The following PACS1 variants were observed in gnomAD, a reference collection of about 807,000 sequenced individuals.
PACS1 encodes phosphofurin acidic cluster sorting protein 1.
Under a neutral mutation model 115.0 loss-of-function variants are expected in PACS1, and 24 were observed. That is an observed-to-expected ratio of 0.21 (90% CI 0.15 to 0.29). The LOEUF (loss-of-function observed/expected upper bound fraction) is 0.29. Among genes scored for constraint, PACS1 ranks in the 10% least tolerant of loss-of-function variants. The pLI is 1.00. For missense variants in PACS1, 838 were observed against 1,251.2 expected, an observed-to-expected ratio of 0.67 and a Z score of 4.98; for synonymous variants, 453 against 504.5, an observed-to-expected ratio of 0.90 and a Z score of 1.37.
At chr11:66,212,905 G>C (rs149833629) in intron 4 of PACS1, among the ~76,000 whole-genome samples, 12 of 152,000 alleles carry the variant, frequency 7.9e-5, no homozygotes, top group African/African-American at 2.9e-4. Flanking sequence ...GCTGGAGTGC[G>C]CTGGCACAAT....
intron 1 of PACS1, among the ~76,000 whole-genome samples, chr11:66,193,031 T>A (rs577098663): frequency 6.6e-6 from 1 of 152,324 alleles, no homozygotes; most frequent in Admixed American, 6.5e-5. Flanking sequence ...TGTGATCAGG[T>A]GGAAAGTAGA....
chr11:66,230,425 T>G (rs1426498073), intron 11 of PACS1, 123 bp from the exon 12 acceptor site: 18 of 699,336 alleles, frequency 2.6e-5, no homozygotes, highest in Non-Finnish European at 4.5e-5. Context: ...CCACTTGCTT[T>G]CAGGAAAAGA....
At chr11:66,096,900 T>G (rs1034546854) in intron 1 of PACS1, among the ~76,000 whole-genome samples, 2 of 151,182 alleles carry the variant, frequency 1.3e-5, no homozygotes, top group African/African-American at 4.9e-5. Flanking sequence ...CAGTCTCGCT[T>G]TGTTGCCCAT....
chr11:66,147,606 T>C (rs1265243092), intron 1 of PACS1, among the ~76,000 whole-genome samples: 1 of 152,196 alleles, frequency 6.6e-6, no homozygotes, highest in Non-Finnish European at 1.5e-5. Flanking sequence ...AATGTTGTAA[T>C]TTTTCTAAAT....
In PACS1 at chr11:66,157,300, A is replaced by G. The variant is rs146631244; in HGVS notation, c.357-36186A>G. Among the ~76,000 whole-genome samples the G allele has an allele frequency of 9.6e-3, 1,461 of 152,268 alleles. 24 individuals are homozygous for G. Among genetic ancestry groups the G allele is most frequent in the African/African-American group, 0.032 (1,346 of 41,562 alleles). ...TCACAGTGGGCCAGAATTTTTCCCT[A>G]CAAAATTTTGAAAACTGAAATGTAG... is the stretch of plus-strand genomic sequence containing the variant. On this transcript the variant is annotated intron_variant, in intron 1 of 23. Transcript: ENST00000320580.
chr11:66,121,049 T>C, intron 1 of PACS1: 1 of 456,336 alleles, frequency 2.2e-6, no homozygotes, highest in Non-Finnish European at 4.4e-6. Context: ...ATTGAAGATT[T>C]GTGGCAACCC....
chr11:66,136,323 T>TCA (rs61577143), intron 1 of PACS1, among the ~76,000 whole-genome samples: 4,320 of 145,852 alleles, frequency 0.03, 137 homozygotes, highest in African/African-American at 0.076. Flanking sequence ...AATCCCACTG[T>TCA]CACACACACA....
intron 19 of PACS1, among the ~76,000 whole-genome samples, chr11:66,237,900 T>A (rs998114290): frequency 2.0e-5 from 3 of 152,204 alleles, no homozygotes; most frequent in Non-Finnish European, 2.9e-5. Context: ...AAACACAGCC[T>A]TGCTGTCGCG....
At chr11:66,218,280 C>T (rs1009683363) in intron 7 of PACS1, 2 of 152,216 alleles carry the variant, frequency 1.3e-5, no homozygotes, top group African/African-American at 4.8e-5. Flanking sequence ...GCAGGAAGTA[C>T]ATACAACCAC....
intron 1 of PACS1, among the ~76,000 whole-genome samples, chr11:66,096,249 G>T (rs1309603395): frequency 1.5e-5 from 2 of 132,900 alleles, no homozygotes; most frequent in Admixed American, 8.5e-5. Flanking sequence ...AGGGTGTTTC[G>T]CTGTGTCACC....
At chr11:66,120,143 G>C (rs1858405062) in intron 1 of PACS1, among the ~76,000 whole-genome samples, 1 of 123,070 alleles carries the variant, frequency 8.1e-6, no homozygotes, top group African/African-American at 3.0e-5. Flanking sequence ...TTATGTCTGT[G>C]AACTCTTTTT....
intron 1 of PACS1, among the ~76,000 whole-genome samples, chr11:66,149,679 CGTGTGTGT>C (rs57522847): frequency 8.5e-6 from 1 of 118,298 alleles, no homozygotes; most frequent in Non-Finnish European, 2.0e-5. Flanking sequence ...ATCTTGTGTT[CGTGTGTGT>C]GTGTGTGTGT....
Position 66,070,868 on chromosome 11 carries a change from C to T in PACS1, c.356+26C>T. 7.0e-7 allele frequency: 1 copy of T among 1,425,548 alleles called. No homozygotes were observed. Among genetic ancestry groups the T allele is most frequent in the Non-Finnish European group, 9.1e-7 (1 of 1,099,170 alleles). The allele number at this position is 1,425,548 out of a possible 1,614,324, so 88.3% of individuals were successfully genotyped here. A position where few individuals can be genotyped will look rare whatever the true frequency, so the allele number is the denominator to read the frequency against. ...GTGAGCGCGGGAGGGTGCGGCGGGG[C>T]GCCGGGGGAGCGGGGTGGCCGCCGG... On this transcript the variant is annotated intron_variant, in intron 1 of 23. Coordinates refer to ENST00000320580, the MANE Select transcript of PACS1 (RefSeq NM_018026.4). This position sits in a 1 kb window ranked among gnomAD's most constrained non-coding sequence, Gnocchi z 5.9.
intron 1 of PACS1, among the ~76,000 whole-genome samples, chr11:66,110,561 C>T (rs532738798): frequency 3.9e-5 from 6 of 152,176 alleles, no homozygotes; most frequent in African/African-American, 1.4e-4. Context: ...CTTCTCTTTC[C>T]TGTAGTTTTT....
chr11:66,241,885 C>T (rs1565161151), intron 22 of PACS1, among the ~76,000 whole-genome samples: 1 of 152,158 alleles, frequency 6.6e-6, no homozygotes, highest in Non-Finnish European at 1.5e-5. Context: ...CTGCTGAGCT[C>T]CAGTACTTTA....
chr11:66,167,547 A>G (rs1411240275), intron 1 of PACS1, among the ~76,000 whole-genome samples: 1 of 149,582 alleles, frequency 6.7e-6, no homozygotes, highest in Non-Finnish European at 1.5e-5. Flanking sequence ...ATGAATAGAA[A>G]TTCCTAATTT....
intron 1 of PACS1, among the ~76,000 whole-genome samples, chr11:66,117,988 T>C (rs11227415): frequency 0.21 from 31,271 of 152,190 alleles, 3,297 homozygotes; most frequent in Middle Eastern, 0.28. Context: ...CTTTTGAGAC[T>C]AGTGTTTGTA....
chr11:66,162,507 G>A (rs1859514753), intron 1 of PACS1, among the ~76,000 whole-genome samples: 1 of 152,232 alleles, frequency 6.6e-6, no homozygotes, highest in African/African-American at 2.4e-5. Context: ...CAAGGTTGGA[G>A]TGACAGGGCC....
At chr11:66,198,023 C>G (rs2134679878) in intron 2 of PACS1, among the ~76,000 whole-genome samples, 1 of 152,320 alleles carries the variant, frequency 6.6e-6, no homozygotes, top group East Asian at 1.9e-4. Context: ...TATGCCATCT[C>G]CCTCATACAC....
Sources: gnomAD v4.1 joint callset for allele counts (sites outside exome capture counted in the v4.1 genomes callset) on GRCh38, gnomAD v4.1.1 for gene constraint, Gnocchi (gnomAD v3.1) non-coding constraint, MANE v1.5 for transcripts, NCBI Gene and HGNC (gene_info 2026-07-23, HGNC 2026-07-21) for gene names.